MYOCD: variants seen among roughly 807,000 people sequenced by gnomAD.
The protein encoded by MYOCD is myocardin.
MYOCD carries 32 observed loss-of-function variants against 96.1 expected under a neutral mutation model. The ratio of observed to expected loss-of-function variants is 0.33; its 90% confidence interval spans 0.25 to 0.45. The LOEUF (loss-of-function observed/expected upper bound fraction) is 0.45, where lower values mean the gene tolerates loss of function less well. Ranked by LOEUF, MYOCD falls within the 20% of genes least tolerant of loss-of-function variation. The pLI is 1.00. For missense variants in MYOCD, 1,133 were observed against 1,200.6 expected (o/e 0.94, Z 0.83); for synonymous variants, 469 against 469.0 (o/e 1.00, Z 0.00).
intron 4 of MYOCD, among the ~76,000 whole-genome samples, chr17:12,722,608 C>T (rs2031872213): frequency 6.6e-6 from 1 of 152,134 alleles, no homozygotes; most frequent in Non-Finnish European, 1.5e-5. Context: ...CATTTTTTCA[C>T]GAATCCTCGC....
chr17:12,755,351 C>T (rs2032981453), intron 10 of MYOCD, among the ~76,000 whole-genome samples: 1 of 152,216 alleles, frequency 6.6e-6, no homozygotes, highest in Non-Finnish European at 1.5e-5. Flanking sequence ...TGGCTCACAC[C>T]TGTAATCCTA....
rs2033299107 is a variant in MYOCD at position 12,765,074 on chromosome 17, GA to G, written c.*1434del. The G allele has an allele frequency of 6.6e-6, 1 of 152,188 alleles. No individual in the cohort carries two copies. Among genetic ancestry groups the G allele is most frequent in the Admixed American group, 6.5e-5 (1 of 15,280 alleles). The allele number at this position is 152,188 out of a possible 1,614,324, so 9.4% of individuals were successfully genotyped here. On this transcript the variant is annotated 3_prime_UTR_variant, in exon 14 of 14. Coordinates refer to ENST00000425538, the MANE Select transcript of MYOCD (RefSeq NM_001146312.3). ...GAATTTCAGATCTGGGTTTTTGAAA[GA>G]AAACAGAATTGCGCATTGAAAACGA... is the stretch of plus-strand genomic sequence containing the variant.
chr17:12,692,488 C>T (rs796843302), intron 1 of MYOCD, among the ~76,000 whole-genome samples: 8 of 152,274 alleles, frequency 5.3e-5, no homozygotes, highest in African/African-American at 1.7e-4. Context: ...GCTATCTATA[C>T]AGAAGGCTGG....
intron 1 of MYOCD, among the ~76,000 whole-genome samples, chr17:12,677,487 C>T (rs989920776): frequency 3.3e-5 from 5 of 151,888 alleles, no homozygotes; most frequent in Admixed American, 6.6e-5. Flanking sequence ...CCAAGATGGG[C>T]GGATCACGAG....
intron 1 of MYOCD, among the ~76,000 whole-genome samples, chr17:12,686,573 T>C (rs1214972172): frequency 6.6e-6 from 1 of 152,186 alleles, no homozygotes; most frequent in African/African-American, 2.4e-5. Context: ...ATAAAGAAGG[T>C]TTCCATTTAG....
chr17:12,735,714 T>C (rs974957842), intron 5 of MYOCD, among the ~76,000 whole-genome samples: 1 of 152,194 alleles, frequency 6.6e-6, no homozygotes, highest in African/African-American at 2.4e-5. Context: ...TGCGCCCTGC[T>C]TTATGTTTGA....
At chr17:12,731,336 C>G (rs995399553) in intron 5 of MYOCD, among the ~76,000 whole-genome samples, 1 of 152,304 alleles carries the variant, frequency 6.6e-6, no homozygotes, top group East Asian at 1.9e-4. Flanking sequence ...TCCTCCTACT[C>G]TGAGGAAGGG....
rs886531013 is a variant in MYOCD at position 12,767,885 on chromosome 17, C to G, written c.*4241C>G. ...CCTATCCCTACTTATCGTAGCAGCTCTATAGACAAAAGGGACACTTACTGG... is the reference window on the plus strand; with the variant it reads ...CCTATCCCTACTTATCGTAGCAGCTGTATAGACAAAAGGGACACTTACTGG... On this transcript the variant is annotated 3_prime_UTR_variant, in exon 14 of 14. Transcript: ENST00000425538. 1 of 152,136 alleles carries G rather than the reference C, an allele frequency of 6.6e-6. No homozygotes were observed. The highest frequency in any genetic ancestry group is 1.5e-5 in the Non-Finnish European group (1 of 68,040). The allele number at this position is 152,136 out of a possible 1,614,324, so 9.4% of individuals were successfully genotyped here. A position where few individuals can be genotyped will look rare whatever the true frequency, so the allele number is the denominator to read the frequency against.
Position 12,746,203 on chromosome 17 carries a change from G to A in MYOCD, c.1125+131G>A. Reference sequence around the variant, plus strand: ...AAGAAGACTGTAGGAAACACTGAAGGAGGTGACAGAATTTATCCTGCTGTG... The same window carrying A: ...AAGAAGACTGTAGGAAACACTGAAGAAGGTGACAGAATTTATCCTGCTGTG... On this transcript the variant is annotated intron_variant, in intron 9 of 13. Coordinates refer to ENST00000425538, the MANE Select transcript of MYOCD (RefSeq NM_001146312.3). 4 of 985,378 alleles carry A rather than the reference G, an allele frequency of 4.1e-6. No individual in the cohort carries two copies. The South Asian group carries it at 5.1e-5, about 12-fold the overall frequency. 61.0% of individuals were successfully genotyped at this position (985,378 alleles called of 1,614,324 possible).
chr17:12,673,857 A>C (rs1375266634), intron 1 of MYOCD, among the ~76,000 whole-genome samples: 1 of 152,238 alleles, frequency 6.6e-6, no homozygotes, highest in Non-Finnish European at 1.5e-5. Context: ...ACTAACTCAG[A>C]GTAACCTTGG....
chr17:12,735,459 C>A (rs2032313447), intron 5 of MYOCD, among the ~76,000 whole-genome samples: 1 of 151,948 alleles, frequency 6.6e-6, no homozygotes, highest in Non-Finnish European at 1.5e-5. Flanking sequence ...TTGTGTGAGC[C>A]ATTGAGGAAT....
intron 1 of MYOCD, among the ~76,000 whole-genome samples, chr17:12,702,684 GT>G (rs58357307): frequency 1 from 151,149 of 151,854 alleles, 75,229 homozygotes; most frequent in Middle Eastern, 1. Context: ...AATTTATTGG[GT>G]TTTTTTTAGT....
chr17:12,755,044 T>C (rs1407039261), intron 10 of MYOCD, among the ~76,000 whole-genome samples: 1 of 152,174 alleles, frequency 6.6e-6, no homozygotes, highest in Non-Finnish European at 1.5e-5. Context: ...CGAGAAGTAA[T>C]TTTTACAAAC....
chr17:12,721,748 G>A (rs1321035453), intron 4 of MYOCD, among the ~76,000 whole-genome samples: 2 of 152,236 alleles, frequency 1.3e-5, no homozygotes, highest in Non-Finnish European at 2.9e-5. Flanking sequence ...CTGAAGATCA[G>A]TCCTGAGTTG....
At chr17:12,730,201 A>G (rs150323232) in intron 5 of MYOCD, among the ~76,000 whole-genome samples, 1 of 152,146 alleles carries the variant, frequency 6.6e-6, no homozygotes, top group African/African-American at 2.4e-5. Context: ...CAATCCCAGC[A>G]CTTTGGGAGG....
chr17:12,684,063 A>G (rs1425768808), intron 1 of MYOCD, among the ~76,000 whole-genome samples: 1 of 152,138 alleles, frequency 6.6e-6, no homozygotes, highest in Non-Finnish European at 1.5e-5. Context: ...AGAGTGTGTC[A>G]TATAAGTAAG....
intron 11 of MYOCD, 138 bp downstream of exon 11, chr17:12,756,695 C>CA (rs11307445): frequency 0.012 from 1,761 of 141,992 alleles, 25 homozygotes; most frequent in East Asian, 0.029. Context: ...GACTGCATCT[C>CA]AAAAAAAAAA....
At chr17:12,723,044 T>C (rs1303642996) in intron 5 of MYOCD, 36 bp downstream of exon 5, 3 of 1,587,506 alleles carry the variant, frequency 1.9e-6, no homozygotes, top group East Asian at 2.2e-5. Flanking sequence ...TCCTTGGTGC[T>C]ATTGAGATCT....
chr17:12,717,282 T>C, intron 3 of MYOCD, 64 bp from the exon 4 acceptor site: 3 of 1,152,938 alleles, frequency 2.6e-6, no homozygotes, highest in Non-Finnish European at 3.8e-6. Context: ...TATTTTCTCC[T>C]GTGAGATAAA....
Sources: gnomAD v4.1 joint callset for allele counts (sites outside exome capture counted in the v4.1 genomes callset) on GRCh38, gnomAD v4.1.1 for gene constraint, MANE v1.5 for transcripts, NCBI Gene and HGNC (gene_info 2026-07-23, HGNC 2026-07-21) for gene names.